PITPNM2: variants seen among roughly 807,000 people sequenced by gnomAD.
PITPNM2 encodes the protein membrane-associated phosphatidylinositol transfer protein 2.
A neutral mutation model predicts 132.2 loss-of-function variants in PITPNM2; 35 were observed. The ratio of observed to expected loss-of-function variants is 0.26; its 90% CI spans 0.20 to 0.35. The LOEUF (loss-of-function observed/expected upper bound fraction) is 0.35. Among genes scored for constraint, PITPNM2 ranks in the 10% least tolerant of loss-of-function variants. The probability of loss-of-function intolerance (pLI) is 1.00; values close to 1 mark genes in which losing one functional copy is unlikely to be tolerated. For synonymous variants in PITPNM2, 738 were observed against 799.2 expected (o/e 0.92, Z 1.29); for missense variants, 1,332 against 1,912.0 (o/e 0.70, Z 5.66).
chr12:123,119,725 T>A (rs999326400), intron 1 of PITPNM2, among the ~76,000 whole-genome samples: 3 of 152,114 alleles, frequency 2.0e-5, no homozygotes, highest in Admixed American at 6.5e-5. Flanking sequence ...CCATGAGTAC[T>A]AATATCAGGC....
intron 2 of PITPNM2, among the ~76,000 whole-genome samples, chr12:123,042,633 C>T (rs2040529966): frequency 6.6e-6 from 1 of 152,174 alleles, no homozygotes; most frequent in Non-Finnish European, 1.5e-5. Context: ...GCCTGGGACT[C>T]AGGACTGTGG....
chr12:123,079,777 CAT>C (rs2041903774), intron 2 of PITPNM2, among the ~76,000 whole-genome samples: 2 of 152,192 alleles, frequency 1.3e-5, no homozygotes, highest in Admixed American at 1.3e-4. Context: ...CAGTAAAATA[CAT>C]ATAACACAAA....
rs1594117411 is a variant in PITPNM2 at position 122,988,024 on chromosome 12, A to C, written c.2998-123T>G. 4.1e-6 allele frequency: 4 copies of C among 970,560 alleles called. No individual in the cohort carries two copies. In the South Asian group the frequency reaches 6.1e-5, roughly 15 times the overall value. 60.1% of individuals were successfully genotyped at this position (970,560 alleles called of 1,614,324 possible). ...CTGTGAGCTGCGCAGCCCATGTCTG[A>C]GTCTGGATCAGACACGATGACGTGG... is the stretch of plus-strand genomic sequence containing the variant. On this transcript the variant is annotated intron_variant, in intron 20 of 25. Transcript: ENST00000320201.
intron 1 of PITPNM2, among the ~76,000 whole-genome samples, chr12:123,120,221 C>T (rs916865963): frequency 6.6e-5 from 10 of 152,160 alleles, no homozygotes; most frequent in South Asian, 2.1e-4. Context: ...CCTGAGTTCA[C>T]GGACTGGGTT....
chr12:123,017,573 T>C (rs2039477879), intron 3 of PITPNM2, among the ~76,000 whole-genome samples: 2 of 152,224 alleles, frequency 1.3e-5, no homozygotes, highest in Admixed American at 6.5e-5. Context: ...CCAATGTTCA[T>C]TGCAGTATTA....
At chr12:123,119,671 T>C (rs1055774894) in intron 1 of PITPNM2, among the ~76,000 whole-genome samples, 6 of 152,136 alleles carry the variant, frequency 3.9e-5, no homozygotes, top group African/African-American at 1.4e-4. Flanking sequence ...GATGTGATCT[T>C]AATCACACCT....
At chr12:123,107,102 TG>T (rs1355071262) in intron 2 of PITPNM2, among the ~76,000 whole-genome samples, 1 of 152,238 alleles carries the variant, frequency 6.6e-6, no homozygotes, top group East Asian at 1.9e-4. Context: ...TCATTGCTGC[TG>T]TGGTCTGAGG....
intron 1 of PITPNM2, among the ~76,000 whole-genome samples, chr12:123,143,209 C>T (rs1046693828): frequency 5.3e-5 from 8 of 151,744 alleles, no homozygotes; most frequent in Middle Eastern, 3.4e-3. Flanking sequence ...ACAAGCTCTC[C>T]CACTGGCTCA....
At chr12:123,079,821 C>T (rs1402404957) in intron 2 of PITPNM2, among the ~76,000 whole-genome samples, 1 of 152,184 alleles carries the variant, frequency 6.6e-6, no homozygotes, top group African/African-American at 2.4e-5. Flanking sequence ...AAAGTGTTCA[C>T]TTCAGTGGCA....
At chr12:123,130,557 G>A (rs1410610906) in intron 1 of PITPNM2, among the ~76,000 whole-genome samples, 5 of 152,152 alleles carry the variant, frequency 3.3e-5, no homozygotes, top group Non-Finnish European at 7.4e-5. Flanking sequence ...GAGGCGGGCG[G>A]ATCACGAGGT....
chr12:123,050,217 C>A (rs1010871304), intron 2 of PITPNM2, among the ~76,000 whole-genome samples: 10 of 152,182 alleles, frequency 6.6e-5, no homozygotes, highest in African/African-American at 2.4e-4. Context: ...TTGGGAGAGA[C>A]AAGCTGGGCC....
chr12:123,081,768 C>T (rs540025305), intron 2 of PITPNM2: 1 of 152,284 alleles, frequency 6.6e-6, no homozygotes, highest in South Asian at 2.1e-4. Context: ...GCACTCTTGC[C>T]GGGTAGGCAA....
chr12:123,030,665 C>A (rs2040055547), intron 3 of PITPNM2, among the ~76,000 whole-genome samples: 1 of 151,702 alleles, frequency 6.6e-6, no homozygotes, highest in African/African-American at 2.4e-5. Flanking sequence ...TGCACTCCAC[C>A]CTGGGCGACA....
rs1406048931 is a variant in PITPNM2, at chr12:122,994,141, T to TG, written c.2233+659dup. Among the ~76,000 whole-genome samples the TG allele has an allele frequency of 1.3e-5, 2 of 152,202 alleles. No individual in the cohort carries two copies. The highest frequency in any genetic ancestry group is 2.9e-5 in the Non-Finnish European group (2 of 68,038). On this transcript the variant is annotated intron_variant, in intron 15 of 25. Coordinates refer to ENST00000320201, the MANE Select transcript of PITPNM2 (RefSeq NM_020845.3). The surrounding 1 kb of genome is among the most constrained non-coding windows in gnomAD (Gnocchi z 5.4). ...CGCCCGCCTCGGCCTCCCAAAGTGCTGGATTACAGGCGTGAGCCACCGCGC... is the reference window on the plus strand; with the variant it reads ...CGCCCGCCTCGGCCTCCCAAAGTGCTGGGATTACAGGCGTGAGCCACCGCGC...
At chr12:123,028,367 C>A (rs56725866) in intron 3 of PITPNM2, among the ~76,000 whole-genome samples, 6,492 of 152,266 alleles carry the variant, frequency 0.043, 457 homozygotes, top group African/African-American at 0.15. Context: ...AAGGCCTATT[C>A]CTAGCTGCCA....
chr12:123,061,287 C>T (rs75200457), intron 2 of PITPNM2, among the ~76,000 whole-genome samples: 4,400 of 152,316 alleles, frequency 0.029, 87 homozygotes, highest in Middle Eastern at 0.044. Flanking sequence ...TAACAGGGCT[C>T]ATGACAAGGC....
At chr12:123,128,648 G>T (rs1053263285) in intron 1 of PITPNM2, among the ~76,000 whole-genome samples, 3 of 151,022 alleles carry the variant, frequency 2.0e-5, no homozygotes, top group African/African-American at 7.3e-5. Context: ...AGCTACTCGG[G>T]AGACTGAGGC....
intron 1 of PITPNM2, among the ~76,000 whole-genome samples, chr12:123,146,169 G>C (rs775593549): frequency 6.6e-6 from 1 of 152,140 alleles, no homozygotes; most frequent in Non-Finnish European, 1.5e-5. Flanking sequence ...TGGAGGGTGG[G>C]AGGAGGGAGA....
In PITPNM2 at chr12:122,986,166, G is replaced by C. The variant is rs2037922014; in HGVS notation, c.3911C>G (p.Pro1304Arg). The change falls in exon 26 of 26, where the codon CCC becomes CGC. Residue 1304 changes from proline (P) to arginine (R), a missense_variant. Physicochemically the swap from Pro to Arg is moderately radical, Grantham distance 103. Transcript: ENST00000320201. ...LRTISAQPSG[P>R]SHRHERTQSQ... ...CTGTGTCCGCTCGTGCCGGTGGCTGGGCCCGCTGGGCTGGGCCGAGATGGT... is the reference window on the plus strand; with the variant it reads ...CTGTGTCCGCTCGTGCCGGTGGCTGCGCCCGCTGGGCTGGGCCGAGATGGT... 6.5e-7 allele frequency: 1 copy of C among 1,537,332 alleles called. No individual in the cohort carries two copies. The highest frequency in any genetic ancestry group is 2.0e-5 in the Admixed American group (1 of 50,838).
Sources: gnomAD v4.1 joint callset for allele counts (sites outside exome capture counted in the v4.1 genomes callset) on GRCh38, gnomAD v4.1.1 for gene constraint, Gnocchi (gnomAD v3.1) non-coding constraint, MANE v1.5 for transcripts, NCBI Gene and HGNC (gene_info 2026-07-23, HGNC 2026-07-21) for gene names.